The following MAGI2 variants were observed in gnomAD, a reference collection of about 807,000 sequenced individuals.
MAGI2 encodes membrane-associated guanylate kinase, WW and PDZ domain-containing protein 2.
MAGI2 carries 35 observed loss-of-function variants against 133.3 expected under a neutral mutation model. That is an observed-to-expected ratio of 0.26 (90% CI 0.20 to 0.35). The LOEUF is 0.35. MAGI2 is among the 10% of genes least tolerant of loss of function. MAGI2 has a pLI of 1.00. For synonymous variants in MAGI2, 729 were observed against 710.6 expected, an observed-to-expected ratio of 1.03 and a Z score of -0.41; for missense variants, 1,636 against 1,863.4, an observed-to-expected ratio of 0.88 and a Z score of 2.25.
At chr7:78,144,805 G>A (rs775712261) in intron 16 of MAGI2, among the ~76,000 whole-genome samples, 41 of 152,100 alleles carry the variant, frequency 2.7e-4, no homozygotes, top group Non-Finnish European at 5.4e-4. Flanking sequence ...GAACGTGCAG[G>A]TTTGTTACAT....
intron 3 of MAGI2, among the ~76,000 whole-genome samples, chr7:78,556,164 G>C (rs1799805329): frequency 6.6e-6 from 1 of 152,102 alleles, no homozygotes; most frequent in African/African-American, 2.4e-5. Context: ...CAGAGTAAGA[G>C]GCACAGAAGA....
intron 2 of MAGI2, among the ~76,000 whole-genome samples, chr7:78,661,558 A>G (rs188314918): frequency 1.3e-5 from 2 of 152,274 alleles, no homozygotes; most frequent in Admixed American, 1.3e-4. Context: ...CAAATCTTAC[A>G]GATTCCATGT....
chr7:78,709,292 A>T (rs323173), intron 2 of MAGI2, among the ~76,000 whole-genome samples: 3 of 149,310 alleles, frequency 2.0e-5, no homozygotes, highest in South Asian at 2.1e-4. Context: ...CCCCACCCCC[A>T]CTCCACACAC....
chr7:78,933,611 T>C (rs1019458887), intron 2 of MAGI2, among the ~76,000 whole-genome samples: 1 of 152,112 alleles, frequency 6.6e-6, no homozygotes, highest in African/African-American at 2.4e-5. Flanking sequence ...CATTGACCAA[T>C]AGATAAATAG....
rs114333593 is a variant in MAGI2 at position 78,478,720 on chromosome 7, T to A, written c.1045+11041A>T. ...GACATTCACAAAAGACCCTGAAAGG[T>A]GGAAAGAAGAAGGCAGGAATTAGGA... On this transcript the variant is annotated intron_variant, in intron 6 of 21. Transcript: ENST00000354212. 3.8e-3 allele frequency among the ~76,000 whole-genome samples: 578 copies of A among 151,740 alleles called. 3 individuals carry two copies. The highest frequency in any genetic ancestry group is 0.013 in the African/African-American group (541 of 41,408).
At chr7:78,081,595 C>T (rs1219565348) in intron 20 of MAGI2, among the ~76,000 whole-genome samples, 1 of 152,072 alleles carries the variant, frequency 6.6e-6, no homozygotes, top group African/African-American at 2.4e-5. Context: ...GGAAAGCATT[C>T]TAGGCAGAGA....
At chr7:78,556,044 G>A (rs1799793478) in intron 3 of MAGI2, among the ~76,000 whole-genome samples, 1 of 152,000 alleles carries the variant, frequency 6.6e-6, no homozygotes, top group African/African-American at 2.4e-5. Context: ...ATATATGTTA[G>A]CATATCTGGA....
rs1048845656 is a variant in MAGI2, at chr7:78,823,514, C to T, written c.418+183576G>A. On this transcript the variant is annotated intron_variant, in intron 2 of 21. Transcript: ENST00000354212. Reference sequence around the variant, plus strand: ...AGGAGAATGGCGTGAACCCGGGAGGCGGAGCTTGCAGTGAGCCCGGATCGC... The same window carrying T: ...AGGAGAATGGCGTGAACCCGGGAGGTGGAGCTTGCAGTGAGCCCGGATCGC... Among the ~76,000 whole-genome samples, 19 of 135,476 alleles carry T rather than the reference C, an allele frequency of 1.4e-4. No homozygotes were observed. In the South Asian group the frequency reaches 3.8e-3, roughly 27 times the overall value. 88.9% of individuals were successfully genotyped at this position (135,476 alleles called of 152,430 possible). A position where few individuals can be genotyped will look rare whatever the true frequency, so the allele number is the denominator to read the frequency against.
At chr7:78,534,935 C>T (rs965400866) in intron 3 of MAGI2, among the ~76,000 whole-genome samples, 5 of 152,086 alleles carry the variant, frequency 3.3e-5, no homozygotes, top group Admixed American at 1.3e-4. Context: ...GAGTTCAAGA[C>T]CAGCCTGGCC....
rs1233857371 is a variant in MAGI2, at chr7:78,717,225, C to CT, written c.419-89987dup. On this transcript the variant is annotated intron_variant, in intron 2 of 21. Transcript: ENST00000354212. The stretch of plus-strand genomic sequence containing the variant: ...GTTACCGTCGAGCCGCCCTCCTTGT[C>CT]TTTTTTTCTCCATCTTAACAGTAAC... 8.5e-5 allele frequency among the ~76,000 whole-genome samples: 13 copies of CT among 152,158 alleles called. No homozygotes were observed. The East Asian group carries it at 2.5e-3, about 30-fold the overall frequency.
intron 1 of MAGI2, among the ~76,000 whole-genome samples, chr7:79,060,427 C>T (rs1339461385): frequency 6.6e-6 from 1 of 151,892 alleles, no homozygotes; most frequent in African/African-American, 2.4e-5. Context: ...AATATGGATA[C>T]TTACCTCTTA....
chr7:78,940,304 A>G (rs955990042), intron 2 of MAGI2, among the ~76,000 whole-genome samples: 2 of 152,156 alleles, frequency 1.3e-5, no homozygotes, highest in African/African-American at 4.8e-5. Context: ...AATAATAATG[A>G]TAGGGTCTTC....
chr7:78,494,346 A>G (rs983394031), intron 5 of MAGI2, among the ~76,000 whole-genome samples: 2 of 152,174 alleles, frequency 1.3e-5, no homozygotes, highest in African/African-American at 2.4e-5. Flanking sequence ...CATATAATCT[A>G]CATATGAATA....
intron 21 of MAGI2, among the ~76,000 whole-genome samples, chr7:78,023,188 A>T (rs1250561627): frequency 6.6e-6 from 1 of 152,184 alleles, no homozygotes; most frequent in Non-Finnish European, 1.5e-5. Flanking sequence ...TTGCCCTATC[A>T]CCTGCCTCAG....
chr7:78,616,267 T>A (rs1156688880), intron 3 of MAGI2: 1 of 152,220 alleles, frequency 6.6e-6, no homozygotes, highest in Non-Finnish European at 1.5e-5. Flanking sequence ...ACGTTTAACC[T>A]CATTACTTTT....
chr7:78,708,184 T>C (rs1018078493), intron 2 of MAGI2, among the ~76,000 whole-genome samples: 12 of 152,278 alleles, frequency 7.9e-5, no homozygotes, highest in African/African-American at 2.9e-4. Context: ...CTTCAATCTG[T>C]GCTATCAACT....
At chr7:78,616,731 A>G (rs1807142922) in intron 3 of MAGI2, 2 of 152,344 alleles carry the variant, frequency 1.3e-5, no homozygotes, top group South Asian at 4.1e-4. Flanking sequence ...GCTTCAAAGT[A>G]TTGGCCTAGA....
At chr7:78,705,945 T>C (rs181817161) in intron 2 of MAGI2, among the ~76,000 whole-genome samples, 124 of 152,252 alleles carry the variant, frequency 8.1e-4, no homozygotes, top group Admixed American at 1.4e-3. Context: ...AGACTGTCCA[T>C]CAATTTTCTC....
intron 2 of MAGI2, among the ~76,000 whole-genome samples, chr7:78,874,109 C>T (rs1315940691): frequency 6.6e-6 from 1 of 151,958 alleles, no homozygotes; most frequent in African/African-American, 2.4e-5. Context: ...TTCATAGCAG[C>T]AATAACCATT....
Sources: gnomAD v4.1 joint callset for allele counts (sites outside exome capture counted in the v4.1 genomes callset) on GRCh38, gnomAD v4.1.1 for gene constraint, MANE v1.5 for transcripts, NCBI Gene and HGNC (gene_info 2026-07-23, HGNC 2026-07-21) for gene names.